Variants in DSTYK observed in about 807,000 individuals in gnomAD.
DSTYK encodes the protein RIP-homologous kinase.
A neutral mutation model predicts 98.7 loss-of-function variants in DSTYK; 34 were observed. The ratio of observed to expected loss-of-function variants is 0.34; its 90% CI spans 0.26 to 0.46. DSTYK has a LOEUF of 0.46. DSTYK is among the 20% of genes least tolerant of loss of function. The pLI is 1.00. For synonymous variants in DSTYK, 462 were observed against 457.3 expected, an observed-to-expected ratio of 1.01 and a Z score of -0.13; for missense variants, 962 against 1,181.7, an observed-to-expected ratio of 0.81 and a Z score of 2.73.
At chr1:205,193,946 C>A (rs1174992347) in intron 1 of DSTYK, among the ~76,000 whole-genome samples, 1 of 151,972 alleles carries the variant, frequency 6.6e-6, no homozygotes, top group African/African-American at 2.4e-5. Context: ...AGGTTGCTCT[C>A]TTTTCCTCTG....
rs61291677 is a variant in DSTYK, at chr1:205,176,476, T to TAAAAAAAAAAAAAAAAA, written c.655-6661_655-6645dup. ...GGGCAACAAGAGTGAAACTCCCTCTTAAAAAAAAAAAAAAAAAAAAAAAAA... is the reference window on the plus strand; with the variant it reads ...GGGCAACAAGAGTGAAACTCCCTCTTAAAAAAAAAAAAAAAAAAAAAAAAAAAAAAAAAAAAAAAAAA... On this transcript the variant is annotated intron_variant, in intron 2 of 12. Transcript: ENST00000367162. 1.9e-4 allele frequency among the ~76,000 whole-genome samples: 8 copies of TAAAAAAAAAAAAAAAAA among 43,204 alleles called. 1 individual carries two copies. The highest frequency in any genetic ancestry group is 2.8e-4 in the African/African-American group (4 of 14,118). 28.3% of individuals were successfully genotyped at this position (43,204 alleles called of 152,430 possible). A position where few individuals can be genotyped will look rare whatever the true frequency, so the allele number is the denominator to read the frequency against.
At chr1:205,205,634 C>G (rs758438853) in intron 1 of DSTYK, among the ~76,000 whole-genome samples, 21 of 151,880 alleles carry the variant, frequency 1.4e-4, no homozygotes, top group Non-Finnish European at 2.9e-5. Context: ...TTAGTGGAGA[C>G]GATGTTTCAC....
chr1:205,146,306 C>T lies in DSTYK; in HGVS notation c.*1252G>A, dbSNP rs1214774680. 2 of 152,106 alleles carry T rather than the reference C, an allele frequency of 1.3e-5. No individual in the cohort carries two copies. The highest frequency in any genetic ancestry group is 2.9e-5 in the Non-Finnish European group (2 of 68,026). 9.4% of individuals were successfully genotyped at this position (152,106 alleles called of 1,614,324 possible). ...ATAGGCCATGGCCTCCAATCATCTCCCACCTCTCAGTTCTCACCCAAATAC... is the reference window on the plus strand; with the variant it reads ...ATAGGCCATGGCCTCCAATCATCTCTCACCTCTCAGTTCTCACCCAAATAC... On this transcript the variant is annotated 3_prime_UTR_variant, in exon 13 of 13. Coordinates refer to ENST00000367162, the MANE Select transcript of DSTYK (RefSeq NM_015375.3).
At chr1:205,148,550 TAA>T (rs771988072) in intron 11 of DSTYK, among the ~76,000 whole-genome samples, 3 of 152,120 alleles carry the variant, frequency 2.0e-5, no homozygotes, top group Non-Finnish European at 4.4e-5. Context: ...AGCTCAATAC[TAA>T]GAGAGCCAAG....
chr1:205,198,865 C>T (rs1414000397), intron 1 of DSTYK, among the ~76,000 whole-genome samples: 1 of 146,268 alleles, frequency 6.8e-6, no homozygotes, highest in African/African-American at 2.6e-5. Flanking sequence ...TGGAGCCTCG[C>T]TCTGTCGCCA....
At chr1:205,160,301 G>A (rs1172489340) in intron 7 of DSTYK, 31 bp from the exon 8 acceptor site, 15 of 1,587,682 alleles carry the variant, frequency 9.4e-6, no homozygotes, top group Non-Finnish European at 1.3e-5. Flanking sequence ...GATAAGGCAG[G>A]AGGAATGGGA....
chr1:205,157,480 T>A, intron 9 of DSTYK, 94 bp from the exon 10 acceptor site: 1 of 1,049,796 alleles, frequency 9.5e-7, no homozygotes, highest in Non-Finnish European at 1.4e-6. Context: ...AAGTGATTTT[T>A]AAAAAGGGGA....
intron 3 of DSTYK, among the ~76,000 whole-genome samples, chr1:205,165,757 A>T (rs1027351412): frequency 2.0e-5 from 3 of 152,346 alleles, no homozygotes; most frequent in Admixed American, 1.3e-4. Context: ...TGATTAATGC[A>T]GTACATTTTG....
At chr1:205,196,231 A>T (rs1371766601) in intron 1 of DSTYK, among the ~76,000 whole-genome samples, 1 of 152,202 alleles carries the variant, frequency 6.6e-6, no homozygotes, top group East Asian at 1.9e-4. Context: ...GTAGACTACA[A>T]CTAATACATA....
At chr1:205,207,071 C>A (rs2102487051) in intron 1 of DSTYK, among the ~76,000 whole-genome samples, 1 of 145,326 alleles carries the variant, frequency 6.9e-6, no homozygotes, top group African/African-American at 2.4e-5. Flanking sequence ...ATTTAAGTCA[C>A]TCCAGTATCT....
chr1:205,147,015 C>T lies in DSTYK; in HGVS notation c.*543G>A, dbSNP rs1657257584. ...GATAGCTCTGTTTCTAGCTCCCTCACTGGGACTTCTGACCATTGCAACCTG... is the reference window on the plus strand; with the variant it reads ...GATAGCTCTGTTTCTAGCTCCCTCATTGGGACTTCTGACCATTGCAACCTG... On this transcript the variant is annotated 3_prime_UTR_variant, in exon 13 of 13. Transcript: ENST00000367162. 1.3e-5 allele frequency: 2 copies of T among 152,850 alleles called. No individual in the cohort carries two copies. Among genetic ancestry groups the T allele is most frequent in the Non-Finnish European group, 2.9e-5 (2 of 68,240 alleles). 9.5% of individuals were successfully genotyped at this position (152,850 alleles called of 1,614,324 possible). A position where few individuals can be genotyped will look rare whatever the true frequency, so the allele number is the denominator to read the frequency against.
intron 8 of DSTYK, 172 bp downstream of exon 8, chr1:205,159,942 T>C: frequency 1.2e-6 from 1 of 858,806 alleles, no homozygotes; most frequent in Non-Finnish European, 1.9e-6. Context: ...ATTAGGATGG[T>C]GGGGAAAGAG....
chr1:205,202,481 C>T, intron 1 of DSTYK: 1 of 825,418 alleles, frequency 1.2e-6, no homozygotes. Context: ...CTTAAAAATG[C>T]AGAGAGTAAT....
chr1:205,199,141 C>G (rs1313960913), intron 1 of DSTYK, among the ~76,000 whole-genome samples: 1 of 152,146 alleles, frequency 6.6e-6, no homozygotes, highest in Non-Finnish European at 1.5e-5. Flanking sequence ...AAACAATCCT[C>G]AAGTCCTACT....
At chr1:205,149,847 T>A (rs1488138115) in intron 11 of DSTYK, among the ~76,000 whole-genome samples, 2 of 152,226 alleles carry the variant, frequency 1.3e-5, no homozygotes, top group Admixed American at 6.5e-5. Flanking sequence ...ATTTCTTTCC[T>A]GTCATGCTTA....
At chr1:205,191,475 T>C (rs1192835305) in intron 1 of DSTYK, among the ~76,000 whole-genome samples, 1 of 152,192 alleles carries the variant, frequency 6.6e-6, no homozygotes, top group African/African-American at 2.4e-5. Flanking sequence ...TTTCTGAGCC[T>C]TGAAATGCTC....
At chr1:205,183,843 G>T (rs964030740) in intron 2 of DSTYK, among the ~76,000 whole-genome samples, 2 of 152,158 alleles carry the variant, frequency 1.3e-5, no homozygotes, top group African/African-American at 2.4e-5. Context: ...TTCCACGAAG[G>T]TTGCAAGGCC....
chr1:205,174,513 CAA>C (rs1161752883), intron 2 of DSTYK, among the ~76,000 whole-genome samples: 28 of 97,140 alleles, frequency 2.9e-4, no homozygotes, highest in East Asian at 7.7e-4. Context: ...ACTCCGTCTC[CAA>C]AAAAAAAAAA....
intron 1 of DSTYK, among the ~76,000 whole-genome samples, chr1:205,207,059 A>T (rs1659223055): frequency 6.6e-6 from 1 of 150,748 alleles, no homozygotes. Context: ...CCAACAACAC[A>T]TATTTAAGTC....
Sources: allele counts gnomAD v4.1 joint callset (sites outside exome capture counted in the v4.1 genomes callset), GRCh38; gene constraint gnomAD v4.1.1; transcripts MANE v1.5; gene names NCBI Gene and HGNC (gene_info 2026-07-23, HGNC 2026-07-21).